RPS6KC1: variants seen among roughly 807,000 people sequenced by gnomAD.
RPS6KC1 encodes the protein ribosomal protein S6 kinase C1.
In RPS6KC1, 54 loss-of-function variants were observed where a neutral mutation model predicts 103.8. The observed-to-expected ratio is 0.52, with a 90% CI of 0.42 to 0.65. The LOEUF is 0.65. Among genes scored for constraint, RPS6KC1 ranks in the 30% least tolerant of loss-of-function variants. The pLI is 0.00. For synonymous variants in RPS6KC1, 439 were observed against 438.7 expected (o/e 1.00, Z -0.01); for missense variants, 1,151 against 1,253.8 (o/e 0.92, Z 1.24).
chr1:213,792,645 T>G, the RPS6KC1 span, among the ~76,000 whole-genome samples: 1 of 152,044 alleles, frequency 6.6e-6, no homozygotes, highest in Admixed American at 6.6e-5. Flanking sequence ...CATGGGCGAG[T>G]GGCATAAGAA....
At chr1:213,702,649 C>T in the RPS6KC1 span, among the ~76,000 whole-genome samples, 1 of 151,954 alleles carries the variant, frequency 6.6e-6, no homozygotes, top group Non-Finnish European at 1.5e-5. Flanking sequence ...GAATTGATCC[C>T]TTTATCATTA....
intron 8 of RPS6KC1, among the ~76,000 whole-genome samples, chr1:213,200,864 C>T (rs2093137340): frequency 6.6e-6 from 1 of 152,076 alleles, no homozygotes; most frequent in Admixed American, 6.6e-5. Flanking sequence ...CAATCTTATG[C>T]AGGAACAGGA....
At chr1:213,306,021 G>A in the RPS6KC1 span, among the ~76,000 whole-genome samples, 1 of 152,192 alleles carries the variant, frequency 6.6e-6, no homozygotes, top group Non-Finnish European at 1.5e-5. Context: ...CCAAATTTTA[G>A]TGCCTTTATA....
chr1:213,572,584 A>G, the RPS6KC1 span, among the ~76,000 whole-genome samples: 1 of 152,222 alleles, frequency 6.6e-6, no homozygotes, highest in Non-Finnish European at 1.5e-5. Flanking sequence ...AGTGAATATA[A>G]TTTCTTTAAA....
the RPS6KC1 span, among the ~76,000 whole-genome samples, chr1:213,474,244 C>T: frequency 1.3e-5 from 2 of 152,118 alleles, no homozygotes; most frequent in Non-Finnish European, 2.9e-5. Context: ...ATGAGCTGGG[C>T]TCTCCTTGGC....
intron 14 of RPS6KC1, among the ~76,000 whole-genome samples, chr1:213,269,490 A>C (rs888670383): frequency 6.6e-6 from 1 of 152,208 alleles, no homozygotes; most frequent in African/African-American, 2.4e-5. Flanking sequence ...TCAAGTACAC[A>C]CAAAACAATC....
chr1:213,528,505 T>G, the RPS6KC1 span, among the ~76,000 whole-genome samples: 1 of 152,152 alleles, frequency 6.6e-6, no homozygotes, highest in African/African-American at 2.4e-5. Context: ...AAAGGTCAAC[T>G]GTATTCATGG....
chr1:213,065,037 C>T (rs1301783982), intron 1 of RPS6KC1, among the ~76,000 whole-genome samples: 2 of 127,554 alleles, frequency 1.6e-5, no homozygotes, highest in Non-Finnish European at 3.2e-5. Context: ...AATGCAGTGG[C>T]GCGATCTTGG....
chr1:213,429,781 TA>T, the RPS6KC1 span, among the ~76,000 whole-genome samples: 1 of 152,222 alleles, frequency 6.6e-6, no homozygotes, highest in African/African-American at 2.4e-5. Context: ...AGCATCATGC[TA>T]ATACCCAGAT....
At chr1:213,338,789 G>A in the RPS6KC1 span, among the ~76,000 whole-genome samples, 1 of 142,600 alleles carries the variant, frequency 7.0e-6, no homozygotes, top group Non-Finnish European at 1.5e-5. Context: ...TTTTTTTTGA[G>A]AGACAAGGTG....
the RPS6KC1 span, chr1:213,842,151 C>T: frequency 6.6e-6 from 1 of 152,368 alleles, no homozygotes; most frequent in African/African-American, 2.4e-5. Flanking sequence ...CCATTTCATA[C>T]AGTCACATAG....
At chr1:213,116,648 C>T (rs1279016768) in intron 4 of RPS6KC1, among the ~76,000 whole-genome samples, 17 of 151,512 alleles carry the variant, frequency 1.1e-4, no homozygotes, top group East Asian at 3.9e-4. Flanking sequence ...TTCCTAGTCT[C>T]GATGGTCTTT....
chr1:213,774,511 A>G, the RPS6KC1 span, among the ~76,000 whole-genome samples: 1 of 152,232 alleles, frequency 6.6e-6, no homozygotes, highest in African/African-American at 2.4e-5. Context: ...CTAAAAATGC[A>G]GGGTGGATAC....
chr1:213,617,156 A>G, the RPS6KC1 span, among the ~76,000 whole-genome samples: 1 of 152,098 alleles, frequency 6.6e-6, no homozygotes, highest in Admixed American at 6.5e-5. Flanking sequence ...TGTAAAGTTC[A>G]CTGTTTCTGG....
chr1:213,594,479 G>A, the RPS6KC1 span, among the ~76,000 whole-genome samples: 4,764 of 152,160 alleles, frequency 0.031, 114 homozygotes, highest in East Asian at 0.11. Flanking sequence ...TATGTATGTG[G>A]CTCCCATTTT....
At chr1:213,772,747 C>A in the RPS6KC1 span, among the ~76,000 whole-genome samples, 1 of 152,180 alleles carries the variant, frequency 6.6e-6, no homozygotes, top group Admixed American at 6.5e-5. Flanking sequence ...ACCCCGGAGG[C>A]AGGGCTCCGG....
the RPS6KC1 span, among the ~76,000 whole-genome samples, chr1:213,458,513 G>A: frequency 1.1e-3 from 173 of 152,218 alleles, no homozygotes; most frequent in African/African-American, 3.9e-3. Flanking sequence ...TTGGATATAT[G>A]CCCAGTAATG....
the RPS6KC1 span, among the ~76,000 whole-genome samples, chr1:213,824,034 T>C: frequency 4.4e-4 from 67 of 152,280 alleles, 1 homozygote; most frequent in African/African-American, 1.6e-3. Flanking sequence ...ATGCTATCCA[T>C]AGAAAGTCCC....
At chr1:213,745,091 G>C in the RPS6KC1 span, among the ~76,000 whole-genome samples, 4 of 152,198 alleles carry the variant, frequency 2.6e-5, no homozygotes, top group East Asian at 1.9e-4. Context: ...AGATCCTCTG[G>C]TGTTTGTAGC....
Sources: allele counts gnomAD v4.1 joint callset (sites outside exome capture counted in the v4.1 genomes callset), GRCh38; gene constraint gnomAD v4.1.1; transcripts MANE v1.5; gene names NCBI Gene and HGNC (gene_info 2026-07-23, HGNC 2026-07-21).